Variants in MAOA observed in about 807,000 individuals in gnomAD.
MAOA encodes amine oxidase [flavin-containing] A.
MAOA carries 6 observed loss-of-function variants against 42.0 expected under a neutral mutation model. That is an observed-to-expected ratio of 0.14 (90% CI 0.08 to 0.28). The LOEUF (loss-of-function observed/expected upper bound fraction) is 0.28, where lower values mean the gene tolerates loss of function less well. Ranked by LOEUF, MAOA falls within the 10% of genes least tolerant of loss-of-function variation. The probability of loss-of-function intolerance (pLI) is 1.00; values close to 1 mark genes in which losing one functional copy is unlikely to be tolerated. For synonymous variants in MAOA, 140 were observed against 154.0 expected, an observed-to-expected ratio of 0.91 and a Z score of 0.67; for missense variants, 262 against 422.3, an observed-to-expected ratio of 0.62 and a Z score of 3.33.
chrX:43,691,568 G>A lies in MAOA; in HGVS notation c.169-1723G>A, dbSNP rs191482905. 3.8e-3 allele frequency among the ~76,000 whole-genome samples: 421 copies of A among 111,205 alleles called. 4 individuals are homozygous for A. The highest frequency in any genetic ancestry group is 0.013 in the African/African-American group (395 of 30,637). On this transcript the variant is annotated intron_variant, in intron 2 of 14. Coordinates refer to ENST00000338702, the MANE Select transcript of MAOA (RefSeq NM_000240.4). ...TTTAGTCTGGAAATAGAAAAGATGG[G>A]TAGTGCTTTAACCTAAAAATAAATT...
chrX:43,685,654 G>A (rs1216379878), intron 2 of MAOA, among the ~76,000 whole-genome samples: 1 of 111,722 alleles, frequency 9.0e-6, no homozygotes, highest in Non-Finnish European at 1.9e-5. Context: ...GCTATGCAAA[G>A]TGTCATCTGT....
At chrX:43,680,144 G>T in intron 1 of MAOA, among the ~76,000 whole-genome samples, 1 of 111,853 alleles carries the variant, frequency 8.9e-6, no homozygotes. Context: ...ACAAACATTA[G>T]CAGATAGCAG....
intron 2 of MAOA, 42 bp downstream of exon 2, chrX:43,683,649 CA>C (rs1380318060): frequency 9.6e-7 from 1 of 1,040,986 alleles, no homozygotes; most frequent in Admixed American, 2.2e-5. Context: ...ATATCTCACT[CA>C]AACTACAAGT....
chrX:43,702,682 A>G (rs1413849978), intron 3 of MAOA, among the ~76,000 whole-genome samples: 9 of 112,160 alleles, frequency 8.0e-5, no homozygotes, highest in African/African-American at 1.6e-4. Context: ...AAAATTTCTC[A>G]TGTCAGGTTT....
Position 43,673,190 on chromosome X carries a change from T to G in MAOA, c.74-10323T>G, listed in dbSNP as rs751605304. Among the ~76,000 whole-genome samples the G allele has an allele frequency of 2.1e-3, 238 of 111,580 alleles. 1 individual carries two copies. The highest frequency in any genetic ancestry group is 7.4e-3 in the African/African-American group (227 of 30,717). On this transcript the variant is annotated intron_variant, in intron 1 of 14. Transcript: ENST00000338702. The stretch of plus-strand genomic sequence containing the variant: ...TGGGAGGGTGTATGTGTCAAGGAAT[T>G]TATCCATTTCTTCTAGATTTTCTAA...
At chrX:43,656,852 G>T (rs1292575911) in intron 1 of MAOA, among the ~76,000 whole-genome samples, 4 of 109,689 alleles carry the variant, frequency 3.6e-5, no homozygotes, top group African/African-American at 1.3e-4. Context: ...AAGACCTGCA[G>T]TACTAATTCC....
intron 3 of MAOA, among the ~76,000 whole-genome samples, chrX:43,706,794 AC>A (rs1294881212): frequency 1.8e-5 from 2 of 111,161 alleles, no homozygotes; most frequent in Non-Finnish European, 3.8e-5. Context: ...AGCCTGGGTG[AC>A]AGAGAAAGAT....
intron 1 of MAOA, among the ~76,000 whole-genome samples, chrX:43,675,320 G>T (rs1274174247): frequency 9.0e-6 from 1 of 111,546 alleles, no homozygotes; most frequent in South Asian, 3.8e-4. Flanking sequence ...CTCTGTATTG[G>T]TTATTCTAGT....
In MAOA at chrX:43,674,320, T is replaced by A. The variant is rs1192868379; in HGVS notation, c.74-9193T>A. Reference sequence around the variant, plus strand: ...CTTGGTAGATCTTCCTCCATCCTTTTATTTTGAGCCTATGTGTGTCTCTGC... The same window carrying A: ...CTTGGTAGATCTTCCTCCATCCTTTAATTTTGAGCCTATGTGTGTCTCTGC... On this transcript the variant is annotated intron_variant, in intron 1 of 14. Coordinates refer to ENST00000338702, the MANE Select transcript of MAOA (RefSeq NM_000240.4). Among the ~76,000 whole-genome samples, 90 of 110,750 alleles carry A rather than the reference T, an allele frequency of 8.1e-4. 1 individual carries two copies. Among genetic ancestry groups the A allele is most frequent in the African/African-American group, 2.8e-3 (87 of 30,530 alleles).
At chrX:43,675,136 G>A (rs921800409) in intron 1 of MAOA, among the ~76,000 whole-genome samples, 6 of 111,388 alleles carry the variant, frequency 5.4e-5, no homozygotes, top group South Asian at 3.8e-4. Flanking sequence ...GGCTTTGTTC[G>A]TTTCTTTTTA....
At chrX:43,688,477 C>T (rs2033506213) in intron 2 of MAOA, among the ~76,000 whole-genome samples, 1 of 111,906 alleles carries the variant, frequency 8.9e-6, no homozygotes, top group African/African-American at 3.3e-5. Flanking sequence ...GATAGGTTTT[C>T]ACCACATTGG....
At chrX:43,694,254 A>C (rs1187891790) in intron 3 of MAOA, among the ~76,000 whole-genome samples, 1 of 111,322 alleles carries the variant, frequency 9.0e-6, no homozygotes, top group Non-Finnish European at 1.9e-5. Context: ...TTTCTCAACA[A>C]ATACATCCCT....
intron 1 of MAOA, among the ~76,000 whole-genome samples, chrX:43,676,443 C>T (rs182572584): frequency 0.01 from 1,120 of 110,858 alleles, 14 homozygotes; most frequent in African/African-American, 0.034. Flanking sequence ...CACGGTGCAC[C>T]GCACCCACTG....
In MAOA at chrX:43,726,353, T is replaced by C. The variant is rs1293273297; in HGVS notation, c.504-1820T>C. Reference sequence around the variant, plus strand: ...TCTTTTCACATAGTCCCGTATTTCTTGGAGGCTTTGTTTGTTTCTTTTCAC... The same window carrying C: ...TCTTTTCACATAGTCCCGTATTTCTCGGAGGCTTTGTTTGTTTCTTTTCAC... On this transcript the variant is annotated intron_variant, in intron 5 of 14. Transcript: ENST00000338702. 2.7e-5 allele frequency among the ~76,000 whole-genome samples: 3 copies of C among 112,162 alleles called. No individual in the cohort carries two copies. In the East Asian group the frequency reaches 8.4e-4, roughly 31 times the overall value.
intron 1 of MAOA, among the ~76,000 whole-genome samples, chrX:43,676,711 A>G (rs2033400794): frequency 9.0e-6 from 1 of 111,701 alleles, no homozygotes; most frequent in Non-Finnish European, 1.9e-5. Flanking sequence ...TACAGCAATA[A>G]GCAAAAATGA....
chrX:43,737,812 A>T (rs755272310), intron 10 of MAOA, among the ~76,000 whole-genome samples: 1 of 111,744 alleles, frequency 8.9e-6, no homozygotes, highest in East Asian at 2.8e-4. Context: ...CTGGAGTAGC[A>T]TATAGCGCAT....
chrX:43,671,986 A>G (rs1010408825), intron 1 of MAOA, among the ~76,000 whole-genome samples: 15 of 110,996 alleles, frequency 1.4e-4, no homozygotes, highest in Non-Finnish European at 1.9e-4. Context: ...GAAGAAAGTC[A>G]TTGGTAGCTT....
At chrX:43,677,208 C>G (rs1051502935) in intron 1 of MAOA, among the ~76,000 whole-genome samples, 1 of 111,784 alleles carries the variant, frequency 8.9e-6, no homozygotes, top group African/African-American at 3.3e-5. Context: ...ATTATTTCCT[C>G]AAAAGCTTCA....
At chrX:43,672,183 G>T (rs776438170) in intron 1 of MAOA, among the ~76,000 whole-genome samples, 29 of 111,388 alleles carry the variant, frequency 2.6e-4, no homozygotes, top group African/African-American at 9.5e-4. Context: ...GGATTCATAG[G>T]TATTTTATTC....
Sources: allele counts gnomAD v4.1 joint callset (sites outside exome capture counted in the v4.1 genomes callset), GRCh38; gene constraint gnomAD v4.1.1; transcripts MANE v1.5; gene names NCBI Gene and HGNC (gene_info 2026-07-23, HGNC 2026-07-21).